LYRM4: variants seen among roughly 807,000 people sequenced by gnomAD.
LYRM4 encodes the protein LYR motif-containing protein 4.
Under a neutral mutation model 11.7 loss-of-function variants are expected in LYRM4, and 9 were observed. That is an observed-to-expected ratio of 0.77 (90% CI 0.46 to 1.34). The LOEUF (loss-of-function observed/expected upper bound fraction) is 1.34. Ranked by LOEUF, LYRM4 falls within the 40% of genes most tolerant of loss-of-function variation. The pLI is 0.00. For synonymous variants in LYRM4, 42 were observed against 40.4 expected (o/e 1.04, Z -0.15); for missense variants, 133 against 112.5 (o/e 1.18, Z -0.82).
intron 2 of LYRM4, among the ~76,000 whole-genome samples, chr6:5,215,784 T>C (rs997965793): frequency 6.6e-6 from 1 of 151,782 alleles, no homozygotes; most frequent in Admixed American, 6.6e-5. Flanking sequence ...TGGTAAAGAG[T>C]TTCCCCCTCC....
At chr6:5,247,744 A>G (rs1300983480) in intron 1 of LYRM4, among the ~76,000 whole-genome samples, 1 of 152,192 alleles carries the variant, frequency 6.6e-6, no homozygotes, top group Non-Finnish European at 1.5e-5. Context: ...ATAAATACAT[A>G]CAGCTTAATA....
intron 2 of LYRM4, among the ~76,000 whole-genome samples, chr6:5,154,678 G>T (rs919282249): frequency 1.3e-5 from 2 of 152,162 alleles, no homozygotes; most frequent in Non-Finnish European, 2.9e-5. Flanking sequence ...AATTAGCCGG[G>T]CGTGGTGTCA....
At chr6:5,204,870 C>T (rs1761599192) in intron 2 of LYRM4, among the ~76,000 whole-genome samples, 1 of 152,256 alleles carries the variant, frequency 6.6e-6, no homozygotes, top group South Asian at 2.1e-4. Flanking sequence ...CATCATCTCA[C>T]TTTGTCTATT....
intron 1 of LYRM4, among the ~76,000 whole-genome samples, chr6:5,249,842 T>C (rs1490835310): frequency 1.3e-5 from 2 of 152,216 alleles, no homozygotes; most frequent in African/African-American, 4.8e-5. Flanking sequence ...TATGATCTGA[T>C]GAGGTGGGAT....
chr6:5,202,196 A>G (rs1761429588), intron 2 of LYRM4, among the ~76,000 whole-genome samples: 1 of 152,276 alleles, frequency 6.6e-6, no homozygotes, highest in Non-Finnish European at 1.5e-5. Context: ...CCTGACAAGA[A>G]CATTACTATA....
chr6:5,107,055 T>C (rs1270320240), downstream of LYRM4: 1 of 152,270 alleles, frequency 6.6e-6, no homozygotes, highest in Non-Finnish European at 1.5e-5. Flanking sequence ...CTGCCAGATA[T>C]ACACCTGAAA....
chr6:5,073,518 A>G, the LYRM4 span, among the ~76,000 whole-genome samples: 1 of 147,886 alleles, frequency 6.8e-6, no homozygotes, highest in African/African-American at 2.5e-5. Context: ...CTCTCTATAT[A>G]TCTATATGTA....
the LYRM4 span, among the ~76,000 whole-genome samples, chr6:5,047,867 C>G: frequency 2.6e-5 from 4 of 152,158 alleles, no homozygotes; most frequent in Admixed American, 2.0e-4. Context: ...TCTGGGTAGA[C>G]AGGAGTCCTG....
chr6:5,160,451 G>C (rs1042307035), intron 2 of LYRM4, among the ~76,000 whole-genome samples: 1 of 151,862 alleles, frequency 6.6e-6, no homozygotes, highest in African/African-American at 2.4e-5. Flanking sequence ...CATGGGGGCG[G>C]GTCTTTTCCG....
chr6:5,236,634 T>C (rs1763560836), intron 1 of LYRM4, among the ~76,000 whole-genome samples: 1 of 151,834 alleles, frequency 6.6e-6, no homozygotes, highest in South Asian at 2.1e-4. Context: ...GATGGTCTGT[T>C]ATAATAATCC....
chr6:5,073,604 A>G, the LYRM4 span, among the ~76,000 whole-genome samples: 1 of 148,542 alleles, frequency 6.7e-6, no homozygotes, highest in Non-Finnish European at 1.5e-5. Flanking sequence ...TATAGTCTGT[A>G]TAATATATAA....
intron 2 of LYRM4, among the ~76,000 whole-genome samples, chr6:5,114,609 T>C (rs1386470774): frequency 1.3e-5 from 2 of 152,184 alleles, no homozygotes; most frequent in Non-Finnish European, 2.9e-5. Flanking sequence ...CACAGGAAAT[T>C]ATAAAGATTC....
chr6:5,034,769 T>TTTTTTTTTTTTTTTTTTTTTTTG, the LYRM4 span: 3 of 12,992 alleles, frequency 2.3e-4, no homozygotes, highest in African/African-American at 4.4e-4. Flanking sequence ...TTTTTTTTTT[T>TTTTTTTTTTTTTTTTTTTTTTTG]TCAAAAAGCG....
intron 2 of LYRM4, chr6:5,136,283 C>T: frequency 1.0e-6 from 1 of 984,670 alleles, no homozygotes; most frequent in Non-Finnish European, 1.2e-6. Context: ...TTTGGTCATT[C>T]TATTCAATAC....
In LYRM4 at chr6:5,142,991, C is replaced by A. The variant is rs149699366; in HGVS notation, c.208-33500G>T. On this transcript the variant is annotated intron_variant, in intron 2 of 2. Transcript: ENST00000330636. ...TTTCATCAGCACTCCTATATCCTTGCCCTACTCTGACTCCCCACGTGGCTG... is the reference window on the plus strand; with the variant it reads ...TTTCATCAGCACTCCTATATCCTTGACCTACTCTGACTCCCCACGTGGCTG... Among the ~76,000 whole-genome samples, 217 of 152,346 alleles carry A rather than the reference C, an allele frequency of 1.4e-3. 1 individual carries two copies. The highest frequency in any genetic ancestry group is 5.0e-3 in the African/African-American group (206 of 41,588).
chr6:5,075,255 C>T, the LYRM4 span, among the ~76,000 whole-genome samples: 1 of 152,212 alleles, frequency 6.6e-6, no homozygotes, highest in South Asian at 2.1e-4. Context: ...AACACAAGCA[C>T]TTTGCTCAAA....
intron 2 of LYRM4, among the ~76,000 whole-genome samples, chr6:5,115,954 G>A (rs1763099701): frequency 6.6e-6 from 1 of 152,156 alleles, no homozygotes; most frequent in African/African-American, 2.4e-5. Context: ...CCCTACATGA[G>A]CATCGGTGAC....
chr6:5,120,105 C>G (rs1763359320), intron 2 of LYRM4, among the ~76,000 whole-genome samples: 1 of 152,020 alleles, frequency 6.6e-6, no homozygotes, highest in South Asian at 2.1e-4. Flanking sequence ...CCATATTGGC[C>G]AGGCTGGTCA....
At chr6:5,110,393 G>A (rs1277600542) in intron 2 of LYRM4, among the ~76,000 whole-genome samples, 1 of 148,352 alleles carries the variant, frequency 6.7e-6, no homozygotes, top group African/African-American at 2.5e-5. Flanking sequence ...GACAGAAGGC[G>A]ATCATGTCAT....
Sources: allele counts gnomAD v4.1 joint callset (sites outside exome capture counted in the v4.1 genomes callset), GRCh38; gene constraint gnomAD v4.1.1; transcripts MANE v1.5; gene names NCBI Gene and HGNC (gene_info 2026-07-23, HGNC 2026-07-21).